Variants in PLCB1 observed in about 807,000 individuals in gnomAD.
PLCB1 encodes 1-phosphatidylinositol 4,5-bisphosphate phosphodiesterase beta-1.
In PLCB1, 46 loss-of-function variants were observed where a neutral mutation model predicts 161.8. The observed-to-expected ratio is 0.28, with a 90% CI of 0.22 to 0.36. The LOEUF is 0.36. Among genes scored for constraint, PLCB1 ranks in the 10% least tolerant of loss-of-function variants. The probability of loss-of-function intolerance (pLI) is 1.00; values close to 1 mark genes in which losing one functional copy is unlikely to be tolerated. For synonymous variants in PLCB1, 517 were observed against 503.7 expected, an observed-to-expected ratio of 1.03 and a Z score of -0.35; for missense variants, 1,016 against 1,472.5, an observed-to-expected ratio of 0.69 and a Z score of 5.07.
chr20:8,445,373 T>C (rs547935327), intron 3 of PLCB1, among the ~76,000 whole-genome samples: 1 of 152,320 alleles, frequency 6.6e-6, no homozygotes, highest in South Asian at 2.1e-4. Context: ...GTGGTATTAT[T>C]TCTGAGGGCT....
chr20:8,454,312 C>T (rs1441605379), intron 3 of PLCB1, among the ~76,000 whole-genome samples: 1 of 152,108 alleles, frequency 6.6e-6, no homozygotes, highest in Admixed American at 6.5e-5. Context: ...ACACCTTTGC[C>T]ATGATGAGGA....
Position 8,673,797 on chromosome 20 carries a change from A to G in PLCB1, c.863-11135A>G, listed in dbSNP as rs184555972. Among the ~76,000 whole-genome samples, 5 of 152,298 alleles carry G rather than the reference A, an allele frequency of 3.3e-5. No homozygotes were observed. The East Asian group carries it at 9.6e-4, about 29-fold the overall frequency. On this transcript the variant is annotated intron_variant, in intron 9 of 31. Transcript: ENST00000338037. ...TTGGGGACAAAATAATCATTTTTTC[A>G]ATTAATATTTGTTGAGCATTTACAA...
intron 3 of PLCB1, among the ~76,000 whole-genome samples, chr20:8,387,494 G>A (rs1012840681): frequency 6.6e-6 from 1 of 152,024 alleles, no homozygotes; most frequent in African/African-American, 2.4e-5. Flanking sequence ...AATTACAATG[G>A]TAATATCAAA....
At chr20:8,250,490 G>A (rs1981082832) in intron 2 of PLCB1, among the ~76,000 whole-genome samples, 1 of 151,822 alleles carries the variant, frequency 6.6e-6, no homozygotes, top group Non-Finnish European at 1.5e-5. Flanking sequence ...TTGGGAGTTA[G>A]ATACCCTTCA....
intron 3 of PLCB1, among the ~76,000 whole-genome samples, chr20:8,471,792 T>G (rs1408477164): frequency 6.6e-6 from 1 of 152,166 alleles, no homozygotes; most frequent in Non-Finnish European, 1.5e-5. Context: ...TCCTGTGTTT[T>G]AGCTGGGTAA....
chr20:8,790,122 G>A (rs1053524447), intron 30 of PLCB1, 53 bp from the exon 31 acceptor site: 19 of 1,253,288 alleles, frequency 1.5e-5, no homozygotes, highest in Non-Finnish European at 2.1e-5. Context: ...TTCTGAAAAC[G>A]TGCACTTTTA....
At chr20:8,508,409 A>G (rs1983734093) in intron 3 of PLCB1, among the ~76,000 whole-genome samples, 1 of 152,200 alleles carries the variant, frequency 6.6e-6, no homozygotes, top group Non-Finnish European at 1.5e-5. Context: ...CCTTTTTCAC[A>G]GTGTGTACCT....
At chr20:8,165,694 C>A (rs2051668067) in intron 2 of PLCB1, among the ~76,000 whole-genome samples, 1 of 152,162 alleles carries the variant, frequency 6.6e-6, no homozygotes, top group African/African-American at 2.4e-5. Flanking sequence ...AAAGGCTGTG[C>A]ATCTTGTCTA....
chr20:8,558,509 C>T (rs1986038480), intron 3 of PLCB1, among the ~76,000 whole-genome samples: 1 of 151,432 alleles, frequency 6.6e-6, no homozygotes, highest in Admixed American at 6.6e-5. Context: ...GAAAAAAAGG[C>T]AGAAAGAATA....
At chr20:8,822,577 G>A (rs892570655) in intron 31 of PLCB1, among the ~76,000 whole-genome samples, 1 of 152,152 alleles carries the variant, frequency 6.6e-6, no homozygotes, top group Non-Finnish European at 1.5e-5. Context: ...CAGAGGTAAG[G>A]GGAGCTTTAG....
chr20:8,381,231 T>C (rs1461344926), intron 3 of PLCB1, among the ~76,000 whole-genome samples: 1 of 152,246 alleles, frequency 6.6e-6, no homozygotes, highest in East Asian at 1.9e-4. Flanking sequence ...TCTGTTTATG[T>C]GATGGATTAC....
chr20:8,658,527 A>T lies in PLCB1; in HGVS notation c.696-11A>T, dbSNP rs1555780847. ...AAAAATTCTTATTGCTTGGTTTTTC[A>T]TTGTTTTTAGTGGTGCAAAAAGCAA... On this transcript the variant is annotated splice_polypyrimidine_tract_variant and intron_variant, in intron 8 of 31. Transcript: ENST00000338037. 1.9e-6 allele frequency: 3 copies of T among 1,565,274 alleles called. No homozygotes were observed. Among genetic ancestry groups the T allele is most frequent in the South Asian group, 2.4e-5 (2 of 84,456 alleles).
intron 2 of PLCB1, among the ~76,000 whole-genome samples, chr20:8,352,089 C>T (rs189799308): frequency 2.5e-4 from 38 of 152,106 alleles, no homozygotes; most frequent in Middle Eastern, 3.4e-3. Context: ...GAAGCCACCA[C>T]GATATCCTTC....
rs1429664093 is a variant in PLCB1, at chr20:8,523,488, C to A, written c.247-104806C>A. ...TGGCTCTCTCTCTCTCTCTCTCTCT[C>A]TCTCTCTCTATATATATATATATAT... is the stretch of plus-strand genomic sequence containing the variant. On this transcript the variant is annotated intron_variant, in intron 3 of 31. Coordinates refer to ENST00000338037, the MANE Select transcript of PLCB1 (RefSeq NM_015192.4). 1.2e-3 allele frequency among the ~76,000 whole-genome samples: 73 copies of A among 59,358 alleles called. 2 individuals carry two copies. In the South Asian group the frequency reaches 0.015, roughly 12 times the overall value. The allele number at this position is 59,358 out of a possible 152,430, so 38.9% of individuals were successfully genotyped here.
intron 2 of PLCB1, among the ~76,000 whole-genome samples, chr20:8,322,145 A>G (rs1984947514): frequency 6.6e-6 from 1 of 151,798 alleles, no homozygotes; most frequent in Admixed American, 6.6e-5. Context: ...AATATTCTTT[A>G]TTTTGGCTTC....
chr20:8,849,404 G>A (rs981848005), intron 31 of PLCB1, among the ~76,000 whole-genome samples: 2 of 152,092 alleles, frequency 1.3e-5, no homozygotes, highest in African/African-American at 2.4e-5. Flanking sequence ...GGCCGGGTGC[G>A]GTGGCTCACA....
chr20:8,780,870 A>C (rs1568597055), intron 27 of PLCB1, among the ~76,000 whole-genome samples: 1 of 152,112 alleles, frequency 6.6e-6, no homozygotes, highest in Non-Finnish European at 1.5e-5. Flanking sequence ...TACCTCATGA[A>C]ACTGTAAGGA....
At chr20:8,708,604 T>C in intron 11 of PLCB1, 66 bp from the exon 12 acceptor site, 1 of 935,816 alleles carries the variant, frequency 1.1e-6, no homozygotes, top group Non-Finnish European at 1.7e-6. Flanking sequence ...ATAGATTTAA[T>C]ACCTTTCAAG....
chr20:8,241,627 C>T (rs1430446744), intron 2 of PLCB1, among the ~76,000 whole-genome samples: 1 of 151,884 alleles, frequency 6.6e-6, no homozygotes, highest in Non-Finnish European at 1.5e-5. Flanking sequence ...TCTATGCTCA[C>T]AAGACTTACA....
Sources: allele counts gnomAD v4.1 joint callset (sites outside exome capture counted in the v4.1 genomes callset), GRCh38; gene constraint gnomAD v4.1.1; transcripts MANE v1.5; gene names NCBI Gene and HGNC (gene_info 2026-07-23, HGNC 2026-07-21).